SPOCK1: variants seen among roughly 807,000 people sequenced by gnomAD.
SPOCK1 encodes testican-1.
Under a neutral mutation model 55.3 loss-of-function variants are expected in SPOCK1, and 23 were observed. That is an observed-to-expected ratio of 0.42 (90% confidence interval 0.30 to 0.59). The LOEUF is 0.59. Among genes scored for constraint, SPOCK1 ranks in the 20% least tolerant of loss-of-function variants. The pLI is 0.22. For synonymous variants in SPOCK1, 226 were observed against 221.0 expected, an observed-to-expected ratio of 1.02 and a Z score of -0.20; for missense variants, 499 against 552.5, an observed-to-expected ratio of 0.90 and a Z score of 0.97.
At chr5:137,159,239 T>A (rs1483061168) in intron 3 of SPOCK1, among the ~76,000 whole-genome samples, 2 of 152,118 alleles carry the variant, frequency 1.3e-5, no homozygotes, top group Non-Finnish European at 2.9e-5. Context: ...AGGAGTTACA[T>A]GAGGCAAGAA....
intron 6 of SPOCK1, among the ~76,000 whole-genome samples, chr5:137,005,707 AG>A (rs1295169229): frequency 6.6e-6 from 1 of 152,146 alleles, no homozygotes; most frequent in Non-Finnish European, 1.5e-5. Flanking sequence ...CAACATGAAG[AG>A]GAAATAAAGA....
chr5:137,147,704 T>A (rs1754224137), intron 3 of SPOCK1, among the ~76,000 whole-genome samples: 1 of 152,168 alleles, frequency 6.6e-6, no homozygotes, highest in African/African-American at 2.4e-5. Context: ...CCTCTCCAAA[T>A]ACAGACATCC....
chr5:137,283,706 C>A (rs1191338921), intron 2 of SPOCK1, among the ~76,000 whole-genome samples: 1 of 151,756 alleles, frequency 6.6e-6, no homozygotes, highest in Non-Finnish European at 1.5e-5. Context: ...CAGAGCAAAA[C>A]CCTATCTCAA....
intron 7 of SPOCK1, among the ~76,000 whole-genome samples, chr5:136,990,015 A>G (rs1245897703): frequency 6.6e-6 from 1 of 151,926 alleles, no homozygotes; most frequent in East Asian, 1.9e-4. Flanking sequence ...GGTTCGCACC[A>G]TTCTCCTGCC....
At chr5:137,159,636 C>T (rs1433963307) in intron 3 of SPOCK1, among the ~76,000 whole-genome samples, 1 of 152,160 alleles carries the variant, frequency 6.6e-6, no homozygotes, top group Non-Finnish European at 1.5e-5. Context: ...TAATGGCCTC[C>T]AGCTCCAACA....
At chr5:137,235,345 G>A (rs1756157968) in intron 3 of SPOCK1, among the ~76,000 whole-genome samples, 1 of 152,198 alleles carries the variant, frequency 6.6e-6, no homozygotes, top group African/African-American at 2.4e-5. Flanking sequence ...TGGTCATCAG[G>A]AAAAACAATG....
intron 2 of SPOCK1, among the ~76,000 whole-genome samples, chr5:137,377,459 C>T (rs865866707): frequency 7.9e-5 from 12 of 152,278 alleles, no homozygotes; most frequent in African/African-American, 2.6e-4. Context: ...TTGAGGAACA[C>T]CTGATACTGG....
intron 2 of SPOCK1, among the ~76,000 whole-genome samples, chr5:137,268,542 G>A (rs946732060): frequency 2.6e-5 from 4 of 152,066 alleles, no homozygotes; most frequent in Admixed American, 1.3e-4. Context: ...TCAGAAACTC[G>A]GCAGCCACTG....
chr5:137,076,908 G>A (rs564263361), intron 5 of SPOCK1, among the ~76,000 whole-genome samples: 102 of 152,220 alleles, frequency 6.7e-4, no homozygotes, highest in Admixed American at 3.1e-3. Context: ...GGGACACAAG[G>A]TGAGTAAGTA....
At chr5:137,119,281 A>C (rs1421700263) in intron 4 of SPOCK1, among the ~76,000 whole-genome samples, 1 of 152,248 alleles carries the variant, frequency 6.6e-6, no homozygotes, top group Non-Finnish European at 1.5e-5. Context: ...AATCAAAACT[A>C]ATTGCTTCTA....
chr5:137,131,971 CAA>C (rs1156253291), intron 4 of SPOCK1, among the ~76,000 whole-genome samples: 163 of 12,714 alleles, frequency 0.013, 6 homozygotes, highest in East Asian at 0.12. Context: ...GACTCCGTCT[CAA>C]AAAAAAAAAA....
chr5:137,101,555 C>G (rs1401896673), intron 5 of SPOCK1, among the ~76,000 whole-genome samples: 2 of 152,206 alleles, frequency 1.3e-5, no homozygotes, highest in Admixed American at 1.3e-4. Flanking sequence ...TGTTTGCATA[C>G]AGAACATAGA....
intron 3 of SPOCK1, among the ~76,000 whole-genome samples, chr5:137,184,204 C>T (rs927370611): frequency 6.6e-6 from 1 of 152,158 alleles, no homozygotes; most frequent in African/African-American, 2.4e-5. Flanking sequence ...TCAGCTTTCT[C>T]CCAAGGGCAT....
chr5:137,233,385 A>T (rs1020654008), intron 3 of SPOCK1, among the ~76,000 whole-genome samples: 2 of 152,170 alleles, frequency 1.3e-5, no homozygotes, highest in African/African-American at 4.8e-5. Flanking sequence ...GACCCCTAAC[A>T]TGTGCAGTTC....
At chr5:136,986,556 C>A (rs1305384300) in intron 8 of SPOCK1, among the ~76,000 whole-genome samples, 1 of 152,054 alleles carries the variant, frequency 6.6e-6, no homozygotes, top group Non-Finnish European at 1.5e-5. Context: ...GAAAAATTAT[C>A]ACTATTTGCA....
At chr5:137,066,987 C>CACACACACACACACAGAGAGAG (rs1343691789) in intron 6 of SPOCK1, among the ~76,000 whole-genome samples, 6 of 139,658 alleles carry the variant, frequency 4.3e-5, no homozygotes, top group African/African-American at 1.6e-4. Flanking sequence ...CACACACACA[C>CACACACACACACACAGAGAGAG]AGAGAGAGAG....
At chr5:137,182,203 G>A (rs1379272424) in intron 3 of SPOCK1, among the ~76,000 whole-genome samples, 2 of 152,054 alleles carry the variant, frequency 1.3e-5, no homozygotes, top group African/African-American at 4.8e-5. Context: ...CATCTCTCTG[G>A]CCTTCATCAG....
intron 3 of SPOCK1, among the ~76,000 whole-genome samples, chr5:137,163,241 T>C (rs148101040): frequency 1.3e-5 from 2 of 152,202 alleles, no homozygotes; most frequent in East Asian, 1.9e-4. Flanking sequence ...GCTGGAAATA[T>C]AGCAGTAAAT....
At chr5:137,447,353 C>T (rs997664092) in intron 2 of SPOCK1, among the ~76,000 whole-genome samples, 2 of 152,302 alleles carry the variant, frequency 1.3e-5, no homozygotes, top group East Asian at 3.9e-4. Flanking sequence ...CCTGAATACA[C>T]AGAGGAGACC....
Sources: gnomAD v4.1 joint callset for allele counts (sites outside exome capture counted in the v4.1 genomes callset) on GRCh38, gnomAD v4.1.1 for gene constraint, MANE v1.5 for transcripts, NCBI Gene and HGNC (gene_info 2026-07-23, HGNC 2026-07-21) for gene names.